The following PDE1A variants were observed in gnomAD, a reference collection of about 807,000 sequenced individuals.
PDE1A encodes phosphodiesterase 1A.
In PDE1A, 35 loss-of-function variants were observed where a neutral mutation model predicts 61.7. That is an observed-to-expected ratio of 0.57 (90% confidence interval 0.43 to 0.75). The LOEUF (loss-of-function observed/expected upper bound fraction) is 0.75. Among genes scored for constraint, PDE1A ranks in the 30% least tolerant of loss-of-function variants. The pLI is 0.00. For synonymous variants in PDE1A, 232 were observed against 213.2 expected (o/e 1.09, Z -0.77); for missense variants, 597 against 630.6 (o/e 0.95, Z 0.57).
chr2:182,414,424 C>T (rs561299351), intron 1 of PDE1A, among the ~76,000 whole-genome samples: 1 of 152,272 alleles, frequency 6.6e-6, no homozygotes, highest in Non-Finnish European at 1.5e-5. Flanking sequence ...CCTAAGGCCA[C>T]TATCTGCTCA....
At chr2:182,457,180 C>G (rs1685981623) in intron 2 of PDE1A, among the ~76,000 whole-genome samples, 1 of 152,014 alleles carries the variant, frequency 6.6e-6, no homozygotes, top group South Asian at 2.1e-4. Context: ...GAGAAACTTA[C>G]TGATTCAGAC....
intron 13 of PDE1A, among the ~76,000 whole-genome samples, chr2:182,156,485 G>GTATC (rs1243536203): frequency 6.6e-6 from 1 of 152,114 alleles, no homozygotes; most frequent in East Asian, 1.9e-4. Context: ...AAAGGGGAAA[G>GTATC]TATCTATTGA....
At chr2:182,308,624 G>A (rs903875461) in intron 1 of PDE1A, among the ~76,000 whole-genome samples, 1 of 151,922 alleles carries the variant, frequency 6.6e-6, no homozygotes, top group African/African-American at 2.4e-5. Flanking sequence ...GTGATATTTG[G>A]TCAAGCATAG....
intron 1 of PDE1A, among the ~76,000 whole-genome samples, chr2:182,280,853 G>T (rs1257014947): frequency 6.6e-6 from 1 of 151,678 alleles, no homozygotes; most frequent in Non-Finnish European, 1.5e-5. Context: ...GACTAAATTG[G>T]CAAAATGATA....
chr2:182,627,176 A>C, the PDE1A span, among the ~76,000 whole-genome samples: 2 of 58,826 alleles, frequency 3.4e-5, 1 homozygote, highest in African/African-American at 1.4e-4. Context: ...AATAATATTT[A>C]TATATAAAAT....
At chr2:182,514,465 G>A (rs1690011424) in intron 2 of PDE1A, among the ~76,000 whole-genome samples, 1 of 152,074 alleles carries the variant, frequency 6.6e-6, no homozygotes, top group Non-Finnish European at 1.5e-5. Context: ...CATGGCACTG[G>A]TACAAAAACG....
At chr2:182,383,186 C>G (rs1478786993) in intron 1 of PDE1A, among the ~76,000 whole-genome samples, 1 of 152,172 alleles carries the variant, frequency 6.6e-6, no homozygotes, top group Non-Finnish European at 1.5e-5. Flanking sequence ...CTTTTCTTCT[C>G]TTTCTATCCA....
chr2:182,510,154 AT>A (rs1388455030), intron 2 of PDE1A, among the ~76,000 whole-genome samples: 1 of 152,104 alleles, frequency 6.6e-6, no homozygotes, highest in Non-Finnish European at 1.5e-5. Context: ...GTTTTTAAAT[AT>A]TTTATAAAAT....
the PDE1A span, among the ~76,000 whole-genome samples, chr2:182,570,188 G>A: frequency 6.6e-6 from 1 of 152,016 alleles, no homozygotes; most frequent in Non-Finnish European, 1.5e-5. Context: ...ATCTGGAGCA[G>A]GGAAAATACA....
At chr2:182,629,931 G>T in the PDE1A span, among the ~76,000 whole-genome samples, 1 of 152,016 alleles carries the variant, frequency 6.6e-6, no homozygotes, top group African/African-American at 2.4e-5. Context: ...TTTAGGTTTG[G>T]CCAGTGTGTG....
the PDE1A span, among the ~76,000 whole-genome samples, chr2:182,571,068 T>C: frequency 6.6e-6 from 1 of 152,210 alleles, no homozygotes; most frequent in Non-Finnish European, 1.5e-5. Context: ...TTTAAGTAGA[T>C]GCTAATGTTT....
At chr2:182,643,327 A>G in the PDE1A span, among the ~76,000 whole-genome samples, 5 of 152,216 alleles carry the variant, frequency 3.3e-5, no homozygotes, top group East Asian at 9.6e-4. Flanking sequence ...GGTACGGCAC[A>G]GGTAAGCAGG....
intron 2 of PDE1A, among the ~76,000 whole-genome samples, chr2:182,253,948 T>C (rs1160044756): frequency 1.3e-5 from 2 of 152,148 alleles, no homozygotes; most frequent in African/African-American, 2.4e-5. Flanking sequence ...TATATGCAAA[T>C]TGAATAATAT....
intron 2 of PDE1A, among the ~76,000 whole-genome samples, chr2:182,448,986 A>C (rs766283511): frequency 2.6e-5 from 4 of 151,730 alleles, no homozygotes; most frequent in Non-Finnish European, 5.9e-5. Context: ...ATACGTTTAA[A>C]TTTAAAATAA....
At chr2:182,308,814 G>A (rs1695773261) in intron 1 of PDE1A, among the ~76,000 whole-genome samples, 2 of 151,986 alleles carry the variant, frequency 1.3e-5, no homozygotes, top group South Asian at 2.1e-4. Flanking sequence ...CTTATAAAGT[G>A]CAGCGTGCAA....
the PDE1A span, among the ~76,000 whole-genome samples, chr2:182,633,745 G>T: frequency 6.7e-6 from 1 of 149,850 alleles, no homozygotes; most frequent in Non-Finnish European, 1.5e-5. Flanking sequence ...TCCAAAAACA[G>T]ACTTCCACCT....
At chr2:182,505,995 A>G (rs1031685394) in intron 2 of PDE1A, among the ~76,000 whole-genome samples, 2 of 152,234 alleles carry the variant, frequency 1.3e-5, no homozygotes, top group African/African-American at 4.8e-5. Flanking sequence ...AACCAGTGGG[A>G]AGTACTGGAA....
chr2:182,680,924 A>T, the PDE1A span, among the ~76,000 whole-genome samples: 4 of 152,218 alleles, frequency 2.6e-5, no homozygotes, highest in African/African-American at 9.6e-5. Flanking sequence ...AATTACATGT[A>T]AATTAATGAG....
intron 2 of PDE1A, among the ~76,000 whole-genome samples, chr2:182,262,230 CTCTT>C (rs61437670): frequency 2.1e-5 from 3 of 144,322 alleles, no homozygotes; most frequent in South Asian, 2.2e-4. Context: ...TTTTCTTTCT[CTCTT>C]TCTTTCTTCT....
Sources: gnomAD v4.1 joint callset for allele counts (sites outside exome capture counted in the v4.1 genomes callset) on GRCh38, gnomAD v4.1.1 for gene constraint, MANE v1.5 for transcripts, NCBI Gene and HGNC (gene_info 2026-07-23, HGNC 2026-07-21) for gene names.